The following TMEM268 variants were observed in gnomAD, a reference collection of about 807,000 sequenced individuals.
The protein encoded by TMEM268 is transmembrane protein C9orf91.
In TMEM268, 24 loss-of-function variants were observed where a neutral mutation model predicts 39.1. The observed-to-expected ratio is 0.61, with a 90% CI of 0.44 to 0.86. The LOEUF is 0.86. TMEM268 is among the 40% of genes least tolerant of loss of function. TMEM268 has a pLI of 0.00. For synonymous variants in TMEM268, 176 were observed against 173.5 expected (o/e 1.01, Z -0.12); for missense variants, 409 against 428.6 (o/e 0.95, Z 0.40).
upstream of TMEM268, among the ~76,000 whole-genome samples, chr9:114,610,989 A>G (rs1249672086): frequency 6.6e-6 from 1 of 152,232 alleles, no homozygotes; most frequent in Non-Finnish European, 1.5e-5. Flanking sequence ...TGGGAGGCCA[A>G]GCAAGAGGAT....
chr9:114,623,365 C>T (rs1171306962), intron 2 of TMEM268, among the ~76,000 whole-genome samples: 2 of 152,028 alleles, frequency 1.3e-5, no homozygotes, highest in South Asian at 2.1e-4. Context: ...AGGCTGGTCT[C>T]GAACTCCTGA....
upstream of TMEM268, among the ~76,000 whole-genome samples, chr9:114,606,872 AAC>A (rs1845373301): frequency 6.6e-6 from 1 of 152,036 alleles, no homozygotes; most frequent in Non-Finnish European, 1.5e-5. Flanking sequence ...AAAAAAAAAA[AAC>A]CAAAAAACAC....
intron 1 of TMEM268, among the ~76,000 whole-genome samples, chr9:114,615,778 C>T (rs1278497853): frequency 1.3e-5 from 2 of 152,108 alleles, no homozygotes; most frequent in African/African-American, 4.8e-5. Flanking sequence ...CAACCTCCGC[C>T]TCCCAGGTTC....
At chr9:114,622,049 A>G in intron 2 of TMEM268, 2 of 982,028 alleles carry the variant, frequency 2.0e-6, no homozygotes, top group Non-Finnish European at 2.4e-6. Flanking sequence ...GCCAAGGGAG[A>G]GGTGAGGATG....
At chr9:114,622,743 G>A (rs1845994269) in intron 2 of TMEM268, among the ~76,000 whole-genome samples, 1 of 152,172 alleles carries the variant, frequency 6.6e-6, no homozygotes, top group Non-Finnish European at 1.5e-5. Context: ...GTAAATCAGT[G>A]TATTAGTTTT....
At chr9:114,617,884 T>A (rs980787571) in intron 2 of TMEM268, among the ~76,000 whole-genome samples, 57 of 151,994 alleles carry the variant, frequency 3.8e-4, no homozygotes, top group Admixed American at 3.3e-3. Flanking sequence ...TTTTTATTTT[T>A]TTTATTTTTT....
At chr9:114,616,062 C>T (rs1183485601) in intron 1 of TMEM268, among the ~76,000 whole-genome samples, 2 of 144,110 alleles carry the variant, frequency 1.4e-5, no homozygotes, top group African/African-American at 2.6e-5. Context: ...GTCGTCCAGG[C>T]TGGAGTGCAG....
intron 5 of TMEM268, among the ~76,000 whole-genome samples, chr9:114,632,883 A>G (rs1589351721): frequency 6.6e-6 from 1 of 152,214 alleles, no homozygotes; most frequent in Non-Finnish European, 1.5e-5. Flanking sequence ...CAGGGAAGGG[A>G]CATACCTTGT....
At chr9:114,635,016 A>C (rs114907220) in intron 6 of TMEM268, among the ~76,000 whole-genome samples, 1 of 152,044 alleles carries the variant, frequency 6.6e-6, no homozygotes, top group African/African-American at 2.4e-5. Flanking sequence ...GTGGCTTGAC[A>C]TGTGTTAGAT....
intron 1 of TMEM268, among the ~76,000 whole-genome samples, chr9:114,613,962 A>C (rs556897835): frequency 6.6e-6 from 1 of 152,230 alleles, no homozygotes; most frequent in African/African-American, 2.4e-5. Flanking sequence ...TTTCTCCTGT[A>C]AAATAGGAAA....
intron 3 of TMEM268, 24 bp downstream of exon 3, chr9:114,624,483 C>T: frequency 6.4e-7 from 1 of 1,553,416 alleles, no homozygotes; most frequent in Non-Finnish European, 8.7e-7. Flanking sequence ...TCCTTGAATC[C>T]CTACCATTTT....
At chr9:114,608,486 G>A, upstream of TMEM268, among the ~76,000 whole-genome samples, 1 of 152,214 alleles carries the variant, frequency 6.6e-6, no homozygotes, top group East Asian at 1.9e-4. Flanking sequence ...CCAGCAGTGA[G>A]AATGAAGAGT....
chr9:114,629,902 C>G (rs1318367212), intron 5 of TMEM268, among the ~76,000 whole-genome samples: 1 of 152,200 alleles, frequency 6.6e-6, no homozygotes, highest in Non-Finnish European at 1.5e-5. Flanking sequence ...TAATGCTGCC[C>G]TTGGGGTCTG....
Position 114,629,456 on chromosome 9 carries a change from C to T in TMEM268, c.474+1206C>T, listed in dbSNP as rs192388247. Among the ~76,000 whole-genome samples the T allele has an allele frequency of 3.5e-3, 535 of 152,358 alleles. 1 individual carries two copies. Among genetic ancestry groups the T allele is most frequent in the Middle Eastern group, 0.024 (7 of 294 alleles). On this transcript the variant is annotated intron_variant, in intron 5 of 8. Coordinates refer to ENST00000288502, the MANE Select transcript of TMEM268 (RefSeq NM_153045.4). Reference sequence around the variant, plus strand: ...CCTTCTCTGGCTCTTTTGCCTCCCTCTTCTACTTTTAAGGACCCTTGTGAT... The same window carrying T: ...CCTTCTCTGGCTCTTTTGCCTCCCTTTTCTACTTTTAAGGACCCTTGTGAT...
At chr9:114,630,728 A>G (rs181106021) in intron 5 of TMEM268, among the ~76,000 whole-genome samples, 1 of 152,342 alleles carries the variant, frequency 6.6e-6, no homozygotes, top group Admixed American at 6.5e-5. Flanking sequence ...ATGCTTTGTA[A>G]GTATTAACTG....
chr9:114,634,265 A>G (rs1846532326), intron 6 of TMEM268, among the ~76,000 whole-genome samples: 1 of 152,208 alleles, frequency 6.6e-6, no homozygotes, highest in African/African-American at 2.4e-5. Flanking sequence ...TGAGACAGTC[A>G]ACAGTAGCCT....
chr9:114,618,997 G>A (rs116470440), intron 2 of TMEM268, among the ~76,000 whole-genome samples: 84 of 152,278 alleles, frequency 5.5e-4, no homozygotes, highest in African/African-American at 1.8e-3. Flanking sequence ...TATGGGCAAG[G>A]GGAAACAGCA....
At chr9:114,625,835 TTAA>T (rs1488231773) in intron 3 of TMEM268, among the ~76,000 whole-genome samples, 1 of 151,814 alleles carries the variant, frequency 6.6e-6, no homozygotes, top group Non-Finnish European at 1.5e-5. Flanking sequence ...AATTAATTAA[TTAA>T]TTTTTTGAGA....
rs939782717 is a variant in TMEM268 at position 114,617,230 on chromosome 9, C to A, written c.35C>A (p.Thr12Asn). The change falls in exon 2 of 9, where the codon ACT (threonine) becomes AAT (asparagine). Residue 12 changes from threonine (T) to asparagine (N), a missense_variant. Thr to Asn is a moderately conservative substitution (Grantham distance 65). Coordinates refer to ENST00000288502, the MANE Select transcript of TMEM268 (RefSeq NM_153045.4). ...GAACCACAGGTGGACCCGGGGGCCA[C>A]TGGCCCATTGCCCCCCTCCTCCCCT... ...ACEPQVDPGATGPLPPSSPGW... is the reference protein window; with the variant it reads ...ACEPQVDPGANGPLPPSSPGW... 2 of 1,611,508 alleles carry A rather than the reference C, an allele frequency of 1.2e-6. No homozygotes were observed. The highest frequency in any genetic ancestry group is 1.7e-6 in the Non-Finnish European group (2 of 1,178,978).
Sources: allele counts gnomAD v4.1 joint callset (sites outside exome capture counted in the v4.1 genomes callset), GRCh38; gene constraint gnomAD v4.1.1; transcripts MANE v1.5; gene names NCBI Gene and HGNC (gene_info 2026-07-23, HGNC 2026-07-21).